NDRG3: variants seen among roughly 807,000 people sequenced by gnomAD.
The protein encoded by NDRG3 is protein NDRG3.
Under a neutral mutation model 57.2 loss-of-function variants are expected in NDRG3, and 23 were observed. That is an observed-to-expected ratio of 0.40 (90% CI 0.29 to 0.57). The LOEUF (loss-of-function observed/expected upper bound fraction) is 0.57. Ranked by LOEUF, NDRG3 falls within the 20% of genes least tolerant of loss-of-function variation. The pLI is 0.42. For synonymous variants in NDRG3, 132 were observed against 162.6 expected (o/e 0.81, Z 1.43); for missense variants, 384 against 457.3 (o/e 0.84, Z 1.46).
chr20:36,707,813 G>A (rs983278667), intron 2 of NDRG3, among the ~76,000 whole-genome samples: 12 of 152,212 alleles, frequency 7.9e-5, no homozygotes, highest in Admixed American at 2.0e-4. Context: ...GCCGAGTGTG[G>A]TGGCTCACAC....
Position 36,675,613 on chromosome 20 carries a change from C to T in NDRG3, c.532-4216G>A, listed in dbSNP as rs573857469. On this transcript the variant is annotated intron_variant, in intron 8 of 15. Coordinates refer to ENST00000349004, the MANE Select transcript of NDRG3 (RefSeq NM_032013.4). ...GTTGGTCAGGCTGGTCTCGAACTCCCGACTTCAGGTGATATGCCCACCTCG... is the reference window on the plus strand; with the variant it reads ...GTTGGTCAGGCTGGTCTCGAACTCCTGACTTCAGGTGATATGCCCACCTCG... 6.6e-5 allele frequency among the ~76,000 whole-genome samples: 10 copies of T among 151,522 alleles called. No individual in the cohort carries two copies. In the East Asian group the frequency reaches 1.2e-3, roughly 18 times the overall value.
At chr20:36,668,214 C>T (rs1236724484) in intron 9 of NDRG3, among the ~76,000 whole-genome samples, 1 of 152,168 alleles carries the variant, frequency 6.6e-6, no homozygotes, top group Non-Finnish European at 1.5e-5. Context: ...TGCACTCCAG[C>T]CAGGACAACA....
At chr20:36,715,940 C>T (rs574971870) in intron 2 of NDRG3, among the ~76,000 whole-genome samples, 3 of 150,908 alleles carry the variant, frequency 2.0e-5, no homozygotes, top group Non-Finnish European at 4.4e-5. Flanking sequence ...CATGGCAAAG[C>T]TCCGTCTCTA....
intron 3 of NDRG3, among the ~76,000 whole-genome samples, chr20:36,689,654 T>G (rs1243732595): frequency 6.6e-6 from 1 of 151,992 alleles, no homozygotes; most frequent in African/African-American, 2.4e-5. Flanking sequence ...CGGCCATAGC[T>G]TACTGGAGTC....
At chr20:36,719,663 G>A (rs923378687) in intron 2 of NDRG3, among the ~76,000 whole-genome samples, 6 of 151,586 alleles carry the variant, frequency 4.0e-5, no homozygotes, top group South Asian at 2.1e-4. Context: ...GGTGTCACCC[G>A]CACACCCCCC....
At chr20:36,667,876 C>T (rs989034701) in intron 9 of NDRG3, among the ~76,000 whole-genome samples, 2 of 152,086 alleles carry the variant, frequency 1.3e-5, no homozygotes, top group South Asian at 2.1e-4. Context: ...GAAGGGTACG[C>T]GAATCACTAC....
At position 36,666,409 on chromosome 20, in the gene NDRG3, A is replaced by G; in HGVS notation, c.589-17T>C. On this transcript the variant is annotated splice_polypyrimidine_tract_variant and intron_variant, in intron 9 of 15. Coordinates refer to ENST00000349004, the MANE Select transcript of NDRG3 (RefSeq NM_032013.4). Reference sequence around the variant, plus strand: ...TAACTCTTCCTAGAACAATTGAAAGAAGACATGGGTAAGCTTCTGAGCTCC... The same window carrying G: ...TAACTCTTCCTAGAACAATTGAAAGGAGACATGGGTAAGCTTCTGAGCTCC... 6.4e-7 allele frequency: 1 copy of G among 1,565,386 alleles called. No individual in the cohort carries two copies. The highest frequency in any genetic ancestry group is 8.8e-7 in the Non-Finnish European group (1 of 1,135,916).
chr20:36,737,709 C>T (rs79032767), intron 1 of NDRG3, among the ~76,000 whole-genome samples: 3,819 of 152,224 alleles, frequency 0.025, 75 homozygotes, highest in Middle Eastern at 0.051. Flanking sequence ...CCACTTGATG[C>T]CATCTGATCA....
At chr20:36,697,524 T>A (rs1982893028) in intron 3 of NDRG3, among the ~76,000 whole-genome samples, 1 of 152,118 alleles carries the variant, frequency 6.6e-6, no homozygotes, top group Non-Finnish European at 1.5e-5. Flanking sequence ...CTGGCCAGTA[T>A]GGCGAAACCC....
intron 13 of NDRG3, among the ~76,000 whole-genome samples, chr20:36,659,220 GT>G (rs1435528934): frequency 1.3e-5 from 2 of 152,106 alleles, no homozygotes; most frequent in Non-Finnish European, 2.9e-5. Context: ...GATTATAGGT[GT>G]GAGCCACTGC....
At chr20:36,671,198 G>A in intron 9 of NDRG3, 143 bp downstream of exon 9, 5 of 663,600 alleles carry the variant, frequency 7.5e-6, no homozygotes, top group Non-Finnish European at 1.1e-5. Context: ...ACCTTTGCAG[G>A]GCCACATGCC....
At chr20:36,722,667 T>C (rs1351599203) in intron 1 of NDRG3, among the ~76,000 whole-genome samples, 1 of 152,152 alleles carries the variant, frequency 6.6e-6, no homozygotes, top group Non-Finnish European at 1.5e-5. Flanking sequence ...AAGGCTAAGC[T>C]TACTAATCCT....
chr20:36,680,778 C>T (rs1047352347), intron 8 of NDRG3, 38 bp downstream of exon 8: 8 of 1,561,202 alleles, frequency 5.1e-6, no homozygotes, highest in East Asian at 2.2e-5. Flanking sequence ...TTGAGATGGG[C>T]CAAGATAAGC....
intron 2 of NDRG3, among the ~76,000 whole-genome samples, chr20:36,709,481 G>A (rs919572399): frequency 1.3e-5 from 2 of 152,112 alleles, no homozygotes; most frequent in Non-Finnish European, 1.5e-5. Context: ...TTCCTAACAC[G>A]AAACCGAATT....
At chr20:36,663,861 A>G (rs1979403517) in intron 12 of NDRG3, among the ~76,000 whole-genome samples, 1 of 152,038 alleles carries the variant, frequency 6.6e-6, no homozygotes, top group Non-Finnish European at 1.5e-5. Flanking sequence ...CCCAGGCTGG[A>G]GTGCAGTGGC....
chr20:36,653,395 G>T lies in NDRG3; in HGVS notation c.*125C>A. ...AGAGAATGATAAATCCAGGCTACTA[G>T]AGAGAGGTTCAGTGGCCATGCATGA... On this transcript the variant is annotated 3_prime_UTR_variant, in exon 16 of 16. Transcript: ENST00000349004. The surrounding 1 kb of genome is among the most constrained non-coding windows in gnomAD (Gnocchi z 4.2). 1 of 805,474 alleles carries T rather than the reference G, an allele frequency of 1.2e-6. No homozygotes were observed. Among genetic ancestry groups the T allele is most frequent in the Non-Finnish European group, 1.9e-6 (1 of 515,180 alleles). 49.9% of individuals were successfully genotyped at this position (805,474 alleles called of 1,614,324 possible). A position where few individuals can be genotyped will look rare whatever the true frequency, so the allele number is the denominator to read the frequency against.
chr20:36,711,996 G>C (rs1983910864), intron 2 of NDRG3, among the ~76,000 whole-genome samples: 1 of 152,152 alleles, frequency 6.6e-6, no homozygotes, highest in African/African-American at 2.4e-5. Flanking sequence ...AGCCAGGATG[G>C]TCTCGATCTC....
At chr20:36,720,509 T>C (rs927292695) in intron 2 of NDRG3, among the ~76,000 whole-genome samples, 1 of 152,096 alleles carries the variant, frequency 6.6e-6, no homozygotes, top group African/African-American at 2.4e-5. Context: ...CACACCAGTG[T>C]CTAGTGGTCA....
chr20:36,701,854 C>G (rs2148159431), intron 3 of NDRG3, among the ~76,000 whole-genome samples: 1 of 147,470 alleles, frequency 6.8e-6, no homozygotes, highest in Non-Finnish European at 1.5e-5. Context: ...AGCTGAGACC[C>G]TGCATCTTTA....
Sources: gnomAD v4.1 joint callset for allele counts (sites outside exome capture counted in the v4.1 genomes callset) on GRCh38, gnomAD v4.1.1 for gene constraint, Gnocchi (gnomAD v3.1) non-coding constraint, MANE v1.5 for transcripts, NCBI Gene and HGNC (gene_info 2026-07-23, HGNC 2026-07-21) for gene names.